Variants in CASQ2 observed in about 807,000 individuals in gnomAD.
The protein encoded by CASQ2 is calsequestrin 2, also known as calsequestrin-2.
CASQ2 carries 49 observed loss-of-function variants against 46.5 expected under a neutral mutation model. That is an observed-to-expected ratio of 1.05 (90% confidence interval 0.84 to 1.34). The LOEUF is 1.34. Ranked by LOEUF, CASQ2 falls within the 40% of genes most tolerant of loss-of-function variation. The probability of loss-of-function intolerance (pLI) is 0.00; values close to 1 mark genes in which losing one functional copy is unlikely to be tolerated. For synonymous variants in CASQ2, 174 were observed against 168.5 expected (o/e 1.03, Z -0.25); for missense variants, 486 against 481.3 (o/e 1.01, Z -0.09).
intron 1 of CASQ2, among the ~76,000 whole-genome samples, 198 bp downstream of exon 1, chr1:115,768,110 G>T (rs1649193187): frequency 3.3e-5 from 5 of 152,146 alleles, no homozygotes; most frequent in African/African-American, 1.2e-4. Flanking sequence ...CTCTTCATTT[G>T]AAGAGTTAGG....
intron 8 of CASQ2, among the ~76,000 whole-genome samples, chr1:115,717,391 C>G (rs115355490): frequency 1.6e-3 from 242 of 152,310 alleles, no homozygotes; most frequent in African/African-American, 5.7e-3. Context: ...CACATCCTCA[C>G]GATTTCATCC....
intron 1 of CASQ2, among the ~76,000 whole-genome samples, chr1:115,756,400 G>C (rs1186863743): frequency 6.6e-6 from 1 of 152,202 alleles, no homozygotes; most frequent in South Asian, 2.1e-4. Context: ...TCTTCAGGGG[G>C]CTGACTTTCT....
At chr1:115,712,565 C>T (rs1007950254) in intron 8 of CASQ2, among the ~76,000 whole-genome samples, 20 of 152,132 alleles carry the variant, frequency 1.3e-4, no homozygotes, top group Non-Finnish European at 2.9e-5. Context: ...GCACCTAACA[C>T]GTCGGGTTGT....
In CASQ2 at chr1:115,701,039, C is replaced by A; in HGVS notation, c.*202G>T. On this transcript the variant is annotated 3_prime_UTR_variant, in exon 11 of 11. Coordinates refer to ENST00000261448, the MANE Select transcript of CASQ2 (RefSeq NM_001232.4). ...AACATGGGAATAATTTTTCTCCTGT[C>A]CCTGCTAAGTGGGATTGCTGCATTT... The A allele has an allele frequency of 4.1e-6, 3 of 732,706 alleles. No homozygotes were observed. Among genetic ancestry groups the A allele is most frequent in the Non-Finnish European group, 2.4e-6 (1 of 419,684 alleles). 45.4% of individuals were successfully genotyped at this position (732,706 alleles called of 1,614,324 possible). A position where few individuals can be genotyped will look rare whatever the true frequency, so the allele number is the denominator to read the frequency against.
chr1:115,747,086 T>C (rs6687777), intron 1 of CASQ2, among the ~76,000 whole-genome samples: 41,591 of 152,038 alleles, frequency 0.27, 6,081 homozygotes, highest in East Asian at 0.43. Context: ...CTGAATTCTC[T>C]TATTTTTTCT....
intron 5 of CASQ2, among the ~76,000 whole-genome samples, chr1:115,729,152 C>A (rs897803176): frequency 6.8e-6 from 1 of 146,626 alleles, no homozygotes; most frequent in Non-Finnish European, 1.5e-5. Context: ...CAGGTTCGAG[C>A]GATTCTCCTG....
At chr1:115,767,121 G>A (rs1649163538) in intron 1 of CASQ2, among the ~76,000 whole-genome samples, 1 of 152,112 alleles carries the variant, frequency 6.6e-6, no homozygotes, top group Non-Finnish European at 1.5e-5. Context: ...GTTTGAGATG[G>A]AGATATAATG....
chr1:115,738,140 C>A, intron 4 of CASQ2, 84 bp downstream of exon 4: 1 of 832,130 alleles, frequency 1.2e-6, no homozygotes, highest in Non-Finnish European at 2.1e-6. Flanking sequence ...GTGCTGAAGA[C>A]CCATCCTCTT....
intron 10 of CASQ2, 96 bp from the exon 11 acceptor site, chr1:115,701,522 G>T (rs112625925): frequency 6.2e-6 from 5 of 804,584 alleles, no homozygotes; most frequent in East Asian, 2.6e-5. Context: ...AGTGCCCCCC[G>T]ACTCTCTTAC....
intron 1 of CASQ2, among the ~76,000 whole-genome samples, chr1:115,764,936 T>G (rs955569069): frequency 3.3e-5 from 5 of 152,202 alleles, no homozygotes; most frequent in African/African-American, 1.2e-4. Context: ...GGACCTTGAC[T>G]AAGTAGGGAC....
chr1:115,709,904 G>A (rs1654488412), intron 8 of CASQ2, among the ~76,000 whole-genome samples: 1 of 152,166 alleles, frequency 6.6e-6, no homozygotes, highest in African/African-American at 2.4e-5. Context: ...ATGCAGTGGT[G>A]CAATCACGGC....
At chr1:115,748,384 TCTAA>T (rs765487915) in intron 1 of CASQ2, among the ~76,000 whole-genome samples, 1 of 152,154 alleles carries the variant, frequency 6.6e-6, no homozygotes, top group Non-Finnish European at 1.5e-5. Context: ...CTCTCTGGCT[TCTAA>T]CTGTTTCCCT....
At chr1:115,701,850 T>C (rs1337984721) in intron 10 of CASQ2, among the ~76,000 whole-genome samples, 2 of 152,238 alleles carry the variant, frequency 1.3e-5, no homozygotes, top group Non-Finnish European at 2.9e-5. Flanking sequence ...ACAAAATAAA[T>C]GAATGTAGAG....
chr1:115,739,120 C>CTTTTTTTTTTTTTTTTTTTTTTTT (rs1331430788), intron 3 of CASQ2, among the ~76,000 whole-genome samples: 2 of 48,366 alleles, frequency 4.1e-5, no homozygotes, highest in East Asian at 8.5e-4. Context: ...ATTTTCTTTT[C>CTTTTTTTTTTTTTTTTTTTTTTTT]TTTCTTTTTG....
chr1:115,739,061 TTTA>T (rs1557797312), intron 3 of CASQ2, among the ~76,000 whole-genome samples: 1 of 47,806 alleles, frequency 2.1e-5, no homozygotes, highest in Non-Finnish European at 6.6e-5. Flanking sequence ...GTTTTCTTTT[TTTA>T]AAAAAAAAAA....
intron 3 of CASQ2, among the ~76,000 whole-genome samples, chr1:115,739,332 G>GT (rs1313560830): frequency 2.6e-5 from 4 of 151,502 alleles, no homozygotes; most frequent in African/African-American, 7.3e-5. Context: ...AGCCAGGATG[G>GT]TCTCGATCTC....
chr1:115,734,610 C>G (rs1487597360), intron 4 of CASQ2, among the ~76,000 whole-genome samples: 1 of 152,214 alleles, frequency 6.6e-6, no homozygotes, highest in Non-Finnish European at 1.5e-5. Context: ...GCCTCCTGAC[C>G]AGCCTGTTCC....
chr1:115,738,013 T>C (rs1297812230), intron 4 of CASQ2, among the ~76,000 whole-genome samples: 1 of 152,216 alleles, frequency 6.6e-6, no homozygotes, highest in Non-Finnish European at 1.5e-5. Flanking sequence ...CTGGAGAACC[T>C]GGCCCCTCCT....
intron 8 of CASQ2, among the ~76,000 whole-genome samples, chr1:115,708,226 T>C (rs985844662): frequency 2.0e-5 from 3 of 152,216 alleles, no homozygotes; most frequent in Non-Finnish European, 4.4e-5. Flanking sequence ...AAAAGGTTTT[T>C]GTAAAGAGAA....
Sources: gnomAD v4.1 joint callset for allele counts (sites outside exome capture counted in the v4.1 genomes callset) on GRCh38, gnomAD v4.1.1 for gene constraint, MANE v1.5 for transcripts, NCBI Gene and HGNC (gene_info 2026-07-23, HGNC 2026-07-21) for gene names.